DR1: variants seen among roughly 807,000 people sequenced by gnomAD.
DR1 encodes the protein down-regulator of transcription 1.
DR1 carries 7 observed loss-of-function variants against 19.9 expected under a neutral mutation model. That is an observed-to-expected ratio of 0.35 (90% confidence interval 0.20 to 0.66). The LOEUF (loss-of-function observed/expected upper bound fraction) is 0.66, where lower values mean the gene tolerates loss of function less well. DR1 is among the 30% of genes least tolerant of loss of function. The pLI, the probability that DR1 is intolerant of heterozygous loss-of-function variation, is 0.66. For missense variants in DR1, 98 were observed against 203.7 expected (o/e 0.48, Z 3.16); for synonymous variants, 76 against 72.5 (o/e 1.05, Z -0.24).
Position 93,363,239 on chromosome 1 carries a change from A to C in DR1, c.*2600A>C, listed in dbSNP as rs1042010565. ...TTACTATCCTGACTTCTAAAATCAT[A>C]GATTAGTTTTGCCTGTTTTTTATTT... On this transcript the variant is annotated 3_prime_UTR_variant, in exon 3 of 3. Coordinates refer to ENST00000370272, the MANE Select transcript of DR1 (RefSeq NM_001938.3). The C allele has an allele frequency of 1.3e-5, 2 of 152,116 alleles. No individual in the cohort carries two copies. The highest frequency in any genetic ancestry group is 4.8e-5 in the African/African-American group (2 of 41,416). The allele number at this position is 152,116 out of a possible 1,614,324, so 9.4% of individuals were successfully genotyped here.
intron 1 of DR1, among the ~76,000 whole-genome samples, chr1:93,352,460 A>T (rs1399506774): frequency 3.9e-5 from 6 of 152,230 alleles, no homozygotes; most frequent in Admixed American, 1.3e-4. Flanking sequence ...TAATAATAGG[A>T]CAGTACTATG....
rs953465470 is a variant in DR1, at chr1:93,367,029, C to T, written c.*6390C>T. 2.6e-5 allele frequency: 4 copies of T among 151,658 alleles called. No individual in the cohort carries two copies. Among genetic ancestry groups the T allele is most frequent in the Non-Finnish European group, 5.9e-5 (4 of 68,022 alleles). 9.4% of individuals were successfully genotyped at this position (151,658 alleles called of 1,614,324 possible). On this transcript the variant is annotated 3_prime_UTR_variant, in exon 3 of 3. Transcript: ENST00000370272. ...AAAAAATATATATATTATCCAGCCCCAAATGTTTATGGGGTTGTTATTGAT... is the reference window on the plus strand; with the variant it reads ...AAAAAATATATATATTATCCAGCCCTAAATGTTTATGGGGTTGTTATTGAT...
In DR1 at chr1:93,360,657, T is replaced by A. The variant is rs367910460; in HGVS notation, c.*18T>A. ...ATATCTGAAATTCACCAGCTGAGTT[T>A]CTATTTCTTCTATAAATGTTTTTCC... On this transcript the variant is annotated 3_prime_UTR_variant, in exon 3 of 3. Coordinates refer to ENST00000370272, the MANE Select transcript of DR1 (RefSeq NM_001938.3). The A allele has an allele frequency of 1.3e-4, 202 of 1,579,666 alleles. No individual in the cohort carries two copies. Among genetic ancestry groups the A allele is most frequent in the Non-Finnish European group, 1.7e-4 (196 of 1,169,696 alleles).
chr1:93,348,373 A>G (rs1471576374), intron 1 of DR1, among the ~76,000 whole-genome samples: 1 of 152,088 alleles, frequency 6.6e-6, no homozygotes, highest in East Asian at 1.9e-4. Flanking sequence ...ATTTCTTTTT[A>G]CAACTCTTAA....
intron 2 of DR1, among the ~76,000 whole-genome samples, chr1:93,358,329 G>A (rs1667014221): frequency 6.6e-6 from 1 of 152,068 alleles, no homozygotes; most frequent in African/African-American, 2.4e-5. Flanking sequence ...TGCCATATGG[G>A]GCTATCGTGG....
At position 93,362,826 on chromosome 1, in the gene DR1, C is replaced by CTTTTTTTTT. The variant is rs55792701; in HGVS notation, c.*2207_*2215dup. On this transcript the variant is annotated 3_prime_UTR_variant, in exon 3 of 3. Coordinates refer to ENST00000370272, the MANE Select transcript of DR1 (RefSeq NM_001938.3). The stretch of plus-strand genomic sequence containing the variant: ...GCAATATTTTATTTTTAGGTTTTTT[C>CTTTTTTTTT]TTTTTTTTTTTTTTTTTTTTTTTTT... 1.0e-3 allele frequency: 54 copies of CTTTTTTTTT among 52,870 alleles called. No homozygotes were observed. Among genetic ancestry groups the CTTTTTTTTT allele is most frequent in the African/African-American group, 2.5e-3 (31 of 12,652 alleles). 3.3% of individuals were successfully genotyped at this position (52,870 alleles called of 1,614,324 possible).
chr1:93,352,370 A>G (rs923841092), intron 1 of DR1, among the ~76,000 whole-genome samples: 19 of 152,120 alleles, frequency 1.2e-4, no homozygotes, highest in Non-Finnish European at 5.9e-5. Flanking sequence ...GTGCCTGGCC[A>G]TGTTGGTGAA....
rs1667168536 is a variant in DR1 at position 93,366,819 on chromosome 1, T to C, written c.*6180T>C. ...GAGTTCGGAACCAGCCTGGGTAATATGGTGAAACCCGTCTCTACAGAAAAA... is the reference window on the plus strand; with the variant it reads ...GAGTTCGGAACCAGCCTGGGTAATACGGTGAAACCCGTCTCTACAGAAAAA... On this transcript the variant is annotated 3_prime_UTR_variant, in exon 3 of 3. Transcript: ENST00000370272. 1 of 152,130 alleles carries C rather than the reference T, an allele frequency of 6.6e-6. No homozygotes were observed. The highest frequency in any genetic ancestry group is 2.1e-4 in the South Asian group (1 of 4,828). 9.4% of individuals were successfully genotyped at this position (152,130 alleles called of 1,614,324 possible). A position where few individuals can be genotyped will look rare whatever the true frequency, so the allele number is the denominator to read the frequency against.
At chr1:93,348,345 C>T (rs776544252) in intron 1 of DR1, among the ~76,000 whole-genome samples, 44 of 151,916 alleles carry the variant, frequency 2.9e-4, no homozygotes, top group Non-Finnish European at 5.6e-4. Flanking sequence ...ACAAGATTAT[C>T]CAGCACAGAT....
rs200476160 is a variant in DR1, at chr1:93,361,047, G to GGTT, written c.*409_*410insTTG. On this transcript the variant is annotated 3_prime_UTR_variant, in exon 3 of 3. Transcript: ENST00000370272. The stretch of plus-strand genomic sequence containing the variant: ...CTTGTGAATTTTAAATTATTAAGGG[G>GGTT]GGGGTGCTGTGTGAATCAGTAGACA... 36 of 165,150 alleles carry GGTT rather than the reference G, an allele frequency of 2.2e-4. No homozygotes were observed. Among genetic ancestry groups the GGTT allele is most frequent in the Admixed American group, 8.0e-4 (12 of 15,084 alleles). The allele number at this position is 165,150 out of a possible 1,614,324, so 10.2% of individuals were successfully genotyped here.
chr1:93,363,753 A>G lies in DR1; in HGVS notation c.*3114A>G, dbSNP rs1460654833. ...GGTTCCAGGGATTCATACGCTGGCT[A>G]TCTTTGGAGGCCGTTATTCAACCTG... On this transcript the variant is annotated 3_prime_UTR_variant, in exon 3 of 3. Coordinates refer to ENST00000370272, the MANE Select transcript of DR1 (RefSeq NM_001938.3). 1 of 152,236 alleles carries G rather than the reference A, an allele frequency of 6.6e-6. No homozygotes were observed. The highest frequency in any genetic ancestry group is 1.5e-5 in the Non-Finnish European group (1 of 68,042). The allele number at this position is 152,236 out of a possible 1,614,324, so 9.4% of individuals were successfully genotyped here.
rs749283246 is a variant in DR1 at position 93,346,719 on chromosome 1, C to T, written c.74C>T (p.Thr25Ile). The change falls in exon 1 of 3, where the codon ACT becomes ATT. Residue 25 changes from threonine (T) to isoleucine (I), a missense_variant. Thr to Ile is a moderately conservative substitution (Grantham distance 89). Coordinates refer to ENST00000370272, the MANE Select transcript of DR1 (RefSeq NM_001938.3). ...RAAINKMIKE[T>I]LPNVRVANDA... ...GCTATCAATAAAATGATCAAAGAGA[C>T]TCTTCCTAATGTCCGGGTGGCCAAC... The T allele has an allele frequency of 1.2e-6, 2 of 1,614,166 alleles. No homozygotes were observed. The highest frequency in any genetic ancestry group is 1.7e-6 in the Non-Finnish European group (2 of 1,180,034).
At chr1:93,356,474 G>C (rs1173389699) in intron 2 of DR1, among the ~76,000 whole-genome samples, 1 of 152,100 alleles carries the variant, frequency 6.6e-6, no homozygotes, top group Non-Finnish European at 1.5e-5. Context: ...CTGATACAGG[G>C]CCGTGGTAGC....
intron 1 of DR1, among the ~76,000 whole-genome samples, chr1:93,350,516 T>G (rs1666902191): frequency 6.6e-6 from 1 of 152,212 alleles, no homozygotes; most frequent in Admixed American, 6.5e-5. Context: ...AAAAACATGT[T>G]TTATGCATAT....
At position 93,360,555 on chromosome 1, in the gene DR1, A is replaced by G. The variant is rs200292726; in HGVS notation, c.447A>G (p.Gln149=). The G allele has an allele frequency of 4.4e-4, 699 of 1,601,186 alleles. 14 individuals carry two copies. The South Asian group carries it at 7.3e-3, about 17-fold the overall frequency. ...GGCTTCAAATGCAGCAAGCTGCCCAACAAGCCCAGCTTGCTGCTGCCTCAG... is the reference window on the plus strand; with the variant it reads ...GGCTTCAAATGCAGCAAGCTGCCCAGCAAGCCCAGCTTGCTGCTGCCTCAG... The part of the protein sequence containing the change: ...QEWLQMQQAA[Q]QAQLAAASAS... Residue 149 remains glutamine (Q), a synonymous_variant, in exon 3 of 3, where the codon CAA becomes CAG. Coordinates refer to ENST00000370272, the MANE Select transcript of DR1 (RefSeq NM_001938.3).
In DR1 at chr1:93,347,007, G is replaced by A; in HGVS notation, c.220+142G>A. On this transcript the variant is annotated intron_variant, in intron 1 of 2. Transcript: ENST00000370272. Reference sequence around the variant, plus strand: ...AAGCCAGACTGGCATGTAGGCAGCCGGTGCTTTAAAAACAATCCCTTTGTA... The same window carrying A: ...AAGCCAGACTGGCATGTAGGCAGCCAGTGCTTTAAAAACAATCCCTTTGTA... 4.1e-6 allele frequency: 3 copies of A among 732,204 alleles called. No homozygotes were observed. The Middle Eastern group carries it at 7.3e-4, about 178-fold the overall frequency. The allele number at this position is 732,204 out of a possible 1,614,324, so 45.4% of individuals were successfully genotyped here.
At chr1:93,355,253 A>C (rs1002921790) in intron 2 of DR1, 1 of 152,216 alleles carries the variant, frequency 6.6e-6, no homozygotes, top group Admixed American at 6.5e-5. Context: ...AAATAGACTC[A>C]GAGGCGGAAA....
At chr1:93,357,984 G>C (rs1667011140) in intron 2 of DR1, among the ~76,000 whole-genome samples, 1 of 152,146 alleles carries the variant, frequency 6.6e-6, no homozygotes, top group Non-Finnish European at 1.5e-5. Flanking sequence ...TTATGAGAAA[G>C]AGATTCTGGC....
In DR1 at chr1:93,346,431, C is replaced by T. The variant is rs543477595; in HGVS notation, c.-215C>T. 35 of 575,424 alleles carry T rather than the reference C, an allele frequency of 6.1e-5. No individual in the cohort carries two copies. The highest frequency in any genetic ancestry group is 4.9e-4 in the South Asian group (24 of 49,308). The allele number at this position is 575,424 out of a possible 1,614,324, so 35.6% of individuals were successfully genotyped here. On this transcript the variant is annotated 5_prime_UTR_variant, in exon 1 of 3. Transcript: ENST00000370272. Reference sequence around the variant, plus strand: ...TGTGCTCTCTCTAGAATCCTCGGGCCCCCACTTTCTTCCCAAACTCATCCT... The same window carrying T: ...TGTGCTCTCTCTAGAATCCTCGGGCTCCCACTTTCTTCCCAAACTCATCCT...
Sources: gnomAD v4.1 joint callset for allele counts (sites outside exome capture counted in the v4.1 genomes callset) on GRCh38, gnomAD v4.1.1 for gene constraint, MANE v1.5 for transcripts, NCBI Gene and HGNC (gene_info 2026-07-23, HGNC 2026-07-21) for gene names.